ARHGAP20: variants seen among roughly 807,000 people sequenced by gnomAD.
ARHGAP20 encodes the protein Rho GTPase activating protein 20.
ARHGAP20 carries 34 observed loss-of-function variants against 73.7 expected under a neutral mutation model. The observed-to-expected ratio is 0.46, with a 90% CI of 0.35 to 0.61. The LOEUF (loss-of-function observed/expected upper bound fraction) is 0.61. Ranked by LOEUF, ARHGAP20 falls within the 20% of genes least tolerant of loss-of-function variation. The pLI, the probability that ARHGAP20 is intolerant of heterozygous loss-of-function variation, is 0.00. For synonymous variants in ARHGAP20, 523 were observed against 518.2 expected (o/e 1.01, Z -0.13); for missense variants, 1,314 against 1,420.9 (o/e 0.92, Z 1.21).
At chr11:110,611,077 T>C (rs1948356060) in intron 7 of ARHGAP20, among the ~76,000 whole-genome samples, 1 of 152,134 alleles carries the variant, frequency 6.6e-6, no homozygotes, top group South Asian at 2.1e-4. Flanking sequence ...TTTAAAATTA[T>C]AGTCCAATCT....
At chr11:110,588,674 T>C (rs566564071) in intron 11 of ARHGAP20, among the ~76,000 whole-genome samples, 1 of 152,350 alleles carries the variant, frequency 6.6e-6, no homozygotes, top group South Asian at 2.1e-4. Flanking sequence ...TGAAACATAA[T>C]TTAACTCTTC....
At chr11:110,655,990 C>A (rs1949458386) in intron 2 of ARHGAP20, among the ~76,000 whole-genome samples, 2 of 152,054 alleles carry the variant, frequency 1.3e-5, no homozygotes, top group African/African-American at 4.8e-5. Context: ...CTTCTACTAC[C>A]TTAATTTGTT....
chr11:110,618,633 AGTGATAGCG>A (rs1948542099), intron 4 of ARHGAP20, among the ~76,000 whole-genome samples: 2 of 152,322 alleles, frequency 1.3e-5, no homozygotes, highest in African/African-American at 4.8e-5. Flanking sequence ...GAGTATATGC[AGTGATAGCG>A]TATATGCAGT....
chr11:110,687,130 T>C (rs1950153886), intron 2 of ARHGAP20, among the ~76,000 whole-genome samples: 1 of 147,976 alleles, frequency 6.8e-6, no homozygotes, highest in Non-Finnish European at 1.5e-5. Context: ...AGGGTCTGAG[T>C]GCAGTGGCAC....
intron 2 of ARHGAP20, among the ~76,000 whole-genome samples, chr11:110,675,341 G>T (rs909896301): frequency 7.2e-5 from 11 of 152,094 alleles, no homozygotes; most frequent in Admixed American, 7.2e-4. Context: ...CTCAAAGTTT[G>T]CCATGCCTTT....
At chr11:110,643,987 C>A (rs888257766) in intron 2 of ARHGAP20, among the ~76,000 whole-genome samples, 4 of 151,936 alleles carry the variant, frequency 2.6e-5, no homozygotes, top group African/African-American at 9.7e-5. Context: ...GAATTGAACC[C>A]TTTATCATTA....
In ARHGAP20 at chr11:110,630,750, T is replaced by C; in HGVS notation, c.231A>G (p.Ser77=). The part of the protein sequence containing the change: ...SASVDTCTFL[S]SLVCSNRTLL... Reference sequence around the variant, plus strand: ...GAGTCCTATTGGAGCACACTAATGATGACAGAAATGTGCATGTGTCAACAC... The same window carrying C: ...GAGTCCTATTGGAGCACACTAATGACGACAGAAATGTGCATGTGTCAACAC... The change falls in exon 3 of 15, where the codon TCA becomes TCG. Residue 77 remains serine (S), a synonymous_variant. Transcript: ENST00000683387. 1.2e-6 allele frequency: 2 copies of C among 1,614,110 alleles called. No individual in the cohort carries two copies. Among genetic ancestry groups the C allele is most frequent in the East Asian group, 2.2e-5 (1 of 44,868 alleles).
In ARHGAP20 at chr11:110,597,136, G is replaced by A. The variant is rs536806948; in HGVS notation, c.965-4981C>T. On this transcript the variant is annotated intron_variant, in intron 9 of 14. Coordinates refer to ENST00000683387, the MANE Select transcript of ARHGAP20 (RefSeq NM_001384657.1). Reference sequence around the variant, plus strand: ...AGGGGAACGTCACACACCGGGGACCGTTGTGGGGTGGGGGGAGGGGGAGGG... The same window carrying A: ...AGGGGAACGTCACACACCGGGGACCATTGTGGGGTGGGGGGAGGGGGAGGG... 5.7e-3 allele frequency among the ~76,000 whole-genome samples: 734 copies of A among 128,432 alleles called. 3 individuals are homozygous for A. The highest frequency in any genetic ancestry group is 0.012 in the African/African-American group (425 of 35,100). The allele number at this position is 128,432 out of a possible 152,430, so 84.3% of individuals were successfully genotyped here. A position where few individuals can be genotyped will look rare whatever the true frequency, so the allele number is the denominator to read the frequency against.
chr11:110,665,359 T>C (rs1949703349), intron 2 of ARHGAP20, among the ~76,000 whole-genome samples: 1 of 152,034 alleles, frequency 6.6e-6, no homozygotes, highest in Non-Finnish European at 1.5e-5. Context: ...ATGAAGGTCA[T>C]TAAAATAGAG....
chr11:110,712,444 G>A (rs7480825), upstream of ARHGAP20: 37,894 of 220,368 alleles, frequency 0.17, 3,383 homozygotes, highest in South Asian at 0.32. Flanking sequence ...GTGCAGCGGC[G>A]ACAGCCCGTC....
chr11:110,582,792 C>A lies in ARHGAP20; in HGVS notation c.1606-357G>T, dbSNP rs183096761. 2.6e-5 allele frequency among the ~76,000 whole-genome samples: 4 copies of A among 152,298 alleles called. No homozygotes were observed. In the East Asian group the frequency reaches 7.7e-4, roughly 29 times the overall value. On this transcript the variant is annotated intron_variant, in intron 13 of 14. Transcript: ENST00000683387. ...ATTTCTTGTGTAAAGGGCAGGCTGT[C>A]ATAAGCTTGGGAAGAGGGCTCATCT...
Position 110,579,875 on chromosome 11 carries a change from T to C in ARHGAP20, c.3071A>G (p.His1024Arg), listed in dbSNP as rs537163504. ...AAGAGTTACAGAATGCATTTGTGAA[T>C]GCCACTCCATGGTGTCCTTCTTTGT... ...AYTKKDTMEW[H>R]SQMHSVTLHP... Residue 1024 changes from histidine to arginine, a missense_variant, in exon 15 of 15, where the codon CAT becomes CGT. Coordinates refer to ENST00000683387, the MANE Select transcript of ARHGAP20 (RefSeq NM_001384657.1). The C allele has an allele frequency of 5.6e-6, 9 of 1,614,258 alleles. No individual in the cohort carries two copies. In the South Asian group the frequency reaches 8.8e-5, roughly 16 times the overall value.
At chr11:110,586,851 T>G (rs549412445) in intron 11 of ARHGAP20, among the ~76,000 whole-genome samples, 240 of 152,338 alleles carry the variant, frequency 1.6e-3, no homozygotes, top group South Asian at 5.6e-3. Context: ...GTGTTATTAG[T>G]GCAAAATTGC....
At chr11:110,637,883 T>A (rs537789479) in intron 2 of ARHGAP20, among the ~76,000 whole-genome samples, 1 of 152,080 alleles carries the variant, frequency 6.6e-6, no homozygotes, top group Non-Finnish European at 1.5e-5. Flanking sequence ...AGGAACAGCA[T>A]GTCAAATATG....
rs150854099 is a variant in ARHGAP20 at position 110,579,620 on chromosome 11, C to T, written c.3326G>A (p.Arg1109Lys). 361 of 1,614,170 alleles carry T rather than the reference C, an allele frequency of 2.2e-4. 1 individual carries two copies. The African/African-American group carries it at 4.3e-3, about 19-fold the overall frequency. ...EGLSPVQSAQ[R>K]CSSSPFQDSE... The stretch of plus-strand genomic sequence containing the variant: ...GTCCTGGAAGGGAGAAGAACTACAC[C>T]TTTGGGCTGACTGCACAGGGGACAG... The change falls in exon 15 of 15, where the codon AGG becomes AAG. Residue 1109 changes from arginine (R) to lysine (K), a missense_variant. By Grantham distance (26) the Arg-to-Lys change is conservative. Coordinates refer to ENST00000683387, the MANE Select transcript of ARHGAP20 (RefSeq NM_001384657.1).
intron 4 of ARHGAP20, among the ~76,000 whole-genome samples, chr11:110,621,168 T>G (rs1367941776): frequency 6.6e-6 from 1 of 151,902 alleles, no homozygotes; most frequent in Non-Finnish European, 1.5e-5. Flanking sequence ...CATTTTCCTA[T>G]TTGTACTACA....
chr11:110,607,563 C>T (rs1361586028), intron 8 of ARHGAP20, among the ~76,000 whole-genome samples: 1 of 152,094 alleles, frequency 6.6e-6, no homozygotes, highest in Non-Finnish European at 1.5e-5. Flanking sequence ...CTATTCCTGA[C>T]TTATCACTAA....
intron 2 of ARHGAP20, among the ~76,000 whole-genome samples, chr11:110,671,707 T>C (rs1280245850): frequency 6.6e-6 from 1 of 151,696 alleles, no homozygotes; most frequent in African/African-American, 2.4e-5. Context: ...GAATATGAAA[T>C]AAAAAAGTCA....
intron 2 of ARHGAP20, among the ~76,000 whole-genome samples, chr11:110,687,999 A>C (rs1950169202): frequency 6.6e-6 from 1 of 152,210 alleles, no homozygotes; most frequent in Non-Finnish European, 1.5e-5. Flanking sequence ...ATTTCTGAAA[A>C]ATTTAGTATT....
Sources: gnomAD v4.1 joint callset for allele counts (sites outside exome capture counted in the v4.1 genomes callset) on GRCh38, gnomAD v4.1.1 for gene constraint, MANE v1.5 for transcripts, NCBI Gene and HGNC (gene_info 2026-07-23, HGNC 2026-07-21) for gene names.